The following CPEB3 variants were observed in gnomAD, a reference collection of about 807,000 sequenced individuals.
CPEB3 encodes cytoplasmic polyadenylation element binding protein 3.
In CPEB3, 20 loss-of-function variants were observed where a neutral mutation model predicts 67.2. That is an observed-to-expected ratio of 0.30 (90% CI 0.21 to 0.43). The LOEUF (loss-of-function observed/expected upper bound fraction) is 0.43. CPEB3 is among the 20% of genes least tolerant of loss of function. The pLI is 1.00. For synonymous variants in CPEB3, 376 were observed against 393.1 expected, an observed-to-expected ratio of 0.96 and a Z score of 0.51; for missense variants, 746 against 968.6, an observed-to-expected ratio of 0.77 and a Z score of 3.05.
In CPEB3 at chr10:92,216,464, C is replaced by G. The variant is rs574372879; in HGVS notation, c.1005+22882G>C. The G allele has an allele frequency of 8.1e-6, 13 of 1,612,808 alleles. No individual in the cohort carries two copies. In the South Asian group the frequency reaches 1.4e-4, roughly 18 times the overall value. The stretch of plus-strand genomic sequence containing the variant: ...GCTCCTGGCTTCTCGCCGCCTCAAG[C>G]GGAAGCTCTACAAATGCATTAAGAA... On this transcript the variant is annotated intron_variant, in intron 2 of 9. Transcript: ENST00000265997.
At chr10:92,174,455 A>G (rs1258329374) in intron 4 of CPEB3, among the ~76,000 whole-genome samples, 1 of 152,236 alleles carries the variant, frequency 6.6e-6, no homozygotes, top group Admixed American at 6.5e-5. Context: ...TAAAGTTCCA[A>G]GTTTCTTGGT....
chr10:92,156,932 AAT>A (rs1847236218), intron 4 of CPEB3, among the ~76,000 whole-genome samples: 1 of 152,224 alleles, frequency 6.6e-6, no homozygotes, highest in Non-Finnish European at 1.5e-5. Context: ...AAATATTTTT[AAT>A]ATTTTTTAAA....
intron 4 of CPEB3, among the ~76,000 whole-genome samples, chr10:92,174,459 T>A (rs1208083946): frequency 6.6e-6 from 1 of 152,234 alleles, no homozygotes; most frequent in Non-Finnish European, 1.5e-5. Context: ...GTTCCAAGTT[T>A]CTTGGTGTAT....
chr10:92,243,341 G>C (rs904425966), intron 1 of CPEB3: 1 of 152,158 alleles, frequency 6.6e-6, no homozygotes, highest in Non-Finnish European at 1.5e-5. Flanking sequence ...CAAGGTACTC[G>C]ATCTGACTTC....
intron 1 of CPEB3, among the ~76,000 whole-genome samples, chr10:92,274,151 A>G (rs994757867): frequency 1.3e-5 from 2 of 152,210 alleles, no homozygotes; most frequent in Non-Finnish European, 2.9e-5. Flanking sequence ...CTATGAAATG[A>G]AAGACATATC....
chr10:92,125,002 C>T (rs2133653505), intron 6 of CPEB3, among the ~76,000 whole-genome samples: 2 of 152,346 alleles, frequency 1.3e-5, no homozygotes, highest in South Asian at 4.1e-4. Flanking sequence ...CTGGCTTGTG[C>T]CAGGTTCACA....
intron 4 of CPEB3, among the ~76,000 whole-genome samples, chr10:92,153,397 T>C (rs1033113548): frequency 2.0e-5 from 3 of 152,264 alleles, no homozygotes; most frequent in Admixed American, 1.3e-4. Context: ...ACAGTAACTC[T>C]AATCATTCTT....
chr10:92,164,577 T>A (rs1189669539), intron 4 of CPEB3, among the ~76,000 whole-genome samples: 1 of 152,210 alleles, frequency 6.6e-6, no homozygotes, highest in Non-Finnish European at 1.5e-5. Context: ...TTCCTTCACT[T>A]AGCATGTTTT....
At chr10:92,180,513 T>A (rs1454357649) in intron 4 of CPEB3, among the ~76,000 whole-genome samples, 1 of 152,216 alleles carries the variant, frequency 6.6e-6, no homozygotes, top group African/African-American at 2.4e-5. Context: ...GGTAAATAGT[T>A]TGGCCTTTGT....
intron 3 of CPEB3, among the ~76,000 whole-genome samples, chr10:92,181,589 T>C (rs146739728): frequency 6.6e-6 from 1 of 152,276 alleles, no homozygotes; most frequent in East Asian, 1.9e-4. Flanking sequence ...TAACTAGTGA[T>C]ATGACCTTGA....
At chr10:92,137,166 C>T in intron 6 of CPEB3, 1 of 372,620 alleles carries the variant, frequency 2.7e-6, no homozygotes, top group Non-Finnish European at 5.1e-6. Flanking sequence ...ACACCTTGGT[C>T]CCAGCATCCA....
In CPEB3 at chr10:92,284,227, C is replaced by T. The variant is rs942251813; in HGVS notation, c.-12+6699G>A. Among the ~76,000 whole-genome samples, 10 of 151,298 alleles carry T rather than the reference C, an allele frequency of 6.6e-5. No homozygotes were observed. In the East Asian group the frequency reaches 7.8e-4, roughly 12 times the overall value. On this transcript the variant is annotated intron_variant, in intron 1 of 9. Transcript: ENST00000265997. ...CTAATTTTTGTATTTTTAGTAGAGA[C>T]GGAGTTTCACCATTTTGGCCAGGAT...
At chr10:92,172,579 G>A (rs993458258) in intron 4 of CPEB3, among the ~76,000 whole-genome samples, 10 of 152,212 alleles carry the variant, frequency 6.6e-5, no homozygotes, top group Non-Finnish European at 2.9e-5. Context: ...AATAATCTGT[G>A]TGTCTAAACC....
chr10:92,092,244 A>G (rs1843651423), intron 7 of CPEB3, among the ~76,000 whole-genome samples: 1 of 152,128 alleles, frequency 6.6e-6, no homozygotes, highest in Non-Finnish European at 1.5e-5. Context: ...CAGAGTCTGC[A>G]TTTTGAATCA....
chr10:92,150,340 C>A (rs911437446), intron 4 of CPEB3, among the ~76,000 whole-genome samples: 3 of 151,796 alleles, frequency 2.0e-5, no homozygotes, highest in African/African-American at 7.3e-5. Context: ...GATCTTCCTG[C>A]CTCAGCCTCC....
intron 2 of CPEB3, among the ~76,000 whole-genome samples, chr10:92,195,491 C>A (rs2134201094): frequency 6.6e-6 from 1 of 152,266 alleles, no homozygotes; most frequent in Non-Finnish European, 1.5e-5. Flanking sequence ...AGGTGTCTAT[C>A]ATATACTTTG....
At chr10:92,291,201 T>C (rs897099535), upstream of CPEB3, 4 of 510,334 alleles carry the variant, frequency 7.8e-6, no homozygotes, top group Non-Finnish European at 1.4e-5. Flanking sequence ...CGGCAGCAAC[T>C]CGGCGCCCGC....
intron 2 of CPEB3, among the ~76,000 whole-genome samples, chr10:92,208,852 T>C (rs10748575): frequency 0.98 from 148,515 of 152,258 alleles, 72,444 homozygotes; most frequent in East Asian, 1. Flanking sequence ...GCCTCAGCCT[T>C]CTAAAGTGCT....
intron 1 of CPEB3, among the ~76,000 whole-genome samples, chr10:92,255,183 C>A (rs1852467503): frequency 1.3e-5 from 2 of 152,186 alleles, no homozygotes; most frequent in Admixed American, 1.3e-4. Context: ...ATTAATCCCT[C>A]CTTCTGTGGT....
Sources: allele counts gnomAD v4.1 joint callset (sites outside exome capture counted in the v4.1 genomes callset), GRCh38; gene constraint gnomAD v4.1.1; transcripts MANE v1.5; gene names NCBI Gene and HGNC (gene_info 2026-07-23, HGNC 2026-07-21).